DCC: variants seen among roughly 807,000 people sequenced by gnomAD.
The protein encoded by DCC is netrin receptor DCC.
In DCC, 58 loss-of-function variants were observed where a neutral mutation model predicts 172.5. That is an observed-to-expected ratio of 0.34 (90% CI 0.27 to 0.42). The LOEUF (loss-of-function observed/expected upper bound fraction) is 0.42, where lower values mean the gene tolerates loss of function less well. Among genes scored for constraint, DCC ranks in the 10% least tolerant of loss-of-function variants. The probability of loss-of-function intolerance (pLI) is 1.00; values close to 1 mark genes in which losing one functional copy is unlikely to be tolerated. For synonymous variants in DCC, 709 were observed against 644.5 expected (o/e 1.10, Z -1.52); for missense variants, 1,740 against 1,791.0 (o/e 0.97, Z 0.51).
chr18:53,149,219 G>A (rs1230389446), intron 7 of DCC, among the ~76,000 whole-genome samples: 2 of 152,024 alleles, frequency 1.3e-5, no homozygotes, highest in African/African-American at 2.4e-5. Flanking sequence ...GAAACTGGAC[G>A]AGCAGAAATA....
chr18:52,882,042 T>C (rs1277596940), intron 2 of DCC, among the ~76,000 whole-genome samples: 1 of 152,148 alleles, frequency 6.6e-6, no homozygotes, highest in Non-Finnish European at 1.5e-5. Context: ...AAGTATTTAA[T>C]ATTATGTGTG....
intron 1 of DCC, among the ~76,000 whole-genome samples, chr18:52,543,070 G>C (rs2032506042): frequency 6.6e-6 from 1 of 152,204 alleles, no homozygotes; most frequent in Non-Finnish European, 1.5e-5. Flanking sequence ...TCTATCAGGA[G>C]AGAGCCTGGG....
At chr18:52,712,352 A>G (rs988799970) in intron 1 of DCC, among the ~76,000 whole-genome samples, 7 of 152,202 alleles carry the variant, frequency 4.6e-5, no homozygotes, top group African/African-American at 1.7e-4. Flanking sequence ...ATTGTAATAT[A>G]TTATTTGACT....
intron 27 of DCC, among the ~76,000 whole-genome samples, chr18:53,506,950 C>G (rs2046187039): frequency 1.3e-5 from 2 of 151,736 alleles, no homozygotes; most frequent in Non-Finnish European, 2.9e-5. Flanking sequence ...AACTACAGAA[C>G]TGATTTTGCT....
intron 5 of DCC, among the ~76,000 whole-genome samples, chr18:53,054,361 T>C (rs1263748138): frequency 1.3e-5 from 2 of 152,086 alleles, no homozygotes; most frequent in African/African-American, 4.8e-5. Flanking sequence ...AATATAAATA[T>C]GTGTGTATAT....
At chr18:53,188,078 A>G (rs991643579) in intron 9 of DCC, among the ~76,000 whole-genome samples, 2 of 152,194 alleles carry the variant, frequency 1.3e-5, no homozygotes, top group Middle Eastern at 3.2e-3. Context: ...GGTGTTATAA[A>G]TTATAACTCT....
At chr18:53,033,750 T>C (rs1407631189) in intron 5 of DCC, among the ~76,000 whole-genome samples, 1 of 152,126 alleles carries the variant, frequency 6.6e-6, no homozygotes, top group African/African-American at 2.4e-5. Flanking sequence ...CCTTTCCTTT[T>C]AGATATCACC....
intron 1 of DCC, among the ~76,000 whole-genome samples, chr18:52,475,342 T>C (rs1278809133): frequency 6.6e-6 from 1 of 152,138 alleles, no homozygotes; most frequent in Non-Finnish European, 1.5e-5. Context: ...GGAGCTCCAA[T>C]AGTGGCAGAA....
intron 5 of DCC, among the ~76,000 whole-genome samples, chr18:52,995,861 C>T (rs531007730): frequency 2.0e-5 from 3 of 151,826 alleles, no homozygotes; most frequent in Non-Finnish European, 2.9e-5. Flanking sequence ...CCCTTGAGTG[C>T]CTTTTCCCTA....
chr18:52,979,808 T>C (rs554577553), intron 5 of DCC, among the ~76,000 whole-genome samples: 2 of 152,300 alleles, frequency 1.3e-5, no homozygotes, highest in Admixed American at 6.5e-5. Context: ...GAATTAATAA[T>C]ACTTTGAACT....
At chr18:53,065,779 G>A (rs1455900317) in intron 6 of DCC, among the ~76,000 whole-genome samples, 1 of 152,024 alleles carries the variant, frequency 6.6e-6, no homozygotes, top group Non-Finnish European at 1.5e-5. Context: ...GCTCATTTAG[G>A]TATTGAGGAT....
chr18:52,980,075 C>G (rs1022877039), intron 5 of DCC, among the ~76,000 whole-genome samples: 1 of 152,134 alleles, frequency 6.6e-6, no homozygotes, highest in African/African-American at 2.4e-5. Flanking sequence ...CCCGCCACCC[C>G]CAACTGTCTG....
intron 2 of DCC, chr18:52,818,235 C>T (rs924594074): frequency 1.5e-4 from 22 of 148,022 alleles, no homozygotes; most frequent in Middle Eastern, 3.6e-3. Context: ...TAAAAATTAG[C>T]TGAGTATGGT....
intron 5 of DCC, among the ~76,000 whole-genome samples, chr18:52,972,290 CAATT>C (rs1568220006): frequency 6.6e-6 from 1 of 152,130 alleles, no homozygotes; most frequent in East Asian, 1.9e-4. Flanking sequence ...ATGCCTTCCA[CAATT>C]AAGTTGCCTT....
chr18:53,500,725 G>C (rs1377429789), intron 27 of DCC, among the ~76,000 whole-genome samples: 1 of 151,812 alleles, frequency 6.6e-6, no homozygotes, highest in Non-Finnish European at 1.5e-5. Context: ...AAAGCATGTA[G>C]GATTCCATTG....
intron 1 of DCC, among the ~76,000 whole-genome samples, chr18:52,591,787 CTTTT>C (rs370150482): frequency 8.0e-6 from 1 of 125,134 alleles, no homozygotes; most frequent in African/African-American, 2.9e-5. Context: ...TTATTTATTT[CTTTT>C]TTTTTTTTTT....
intron 2 of DCC, among the ~76,000 whole-genome samples, chr18:52,782,588 C>T (rs2037567573): frequency 1.3e-5 from 2 of 152,090 alleles, no homozygotes; most frequent in African/African-American, 4.8e-5. Context: ...GACTTGCATT[C>T]AATCCCAAAT....
chr18:53,372,541 C>A (rs977811546), intron 15 of DCC, among the ~76,000 whole-genome samples: 6 of 151,892 alleles, frequency 4.0e-5, no homozygotes, highest in African/African-American at 1.5e-4. Flanking sequence ...ATAATCTGTA[C>A]ACCAAACCCC....
At chr18:53,370,055 G>T (rs143450906) in intron 15 of DCC, among the ~76,000 whole-genome samples, 1 of 151,730 alleles carries the variant, frequency 6.6e-6, no homozygotes, top group African/African-American at 2.4e-5. Flanking sequence ...TTAATGTTTG[G>T]TAGAATTCAC....
Sources: allele counts gnomAD v4.1 joint callset (sites outside exome capture counted in the v4.1 genomes callset), GRCh38; gene constraint gnomAD v4.1.1; transcripts MANE v1.5; gene names NCBI Gene and HGNC (gene_info 2026-07-23, HGNC 2026-07-21).